Variants in PIK3C2G observed in about 807,000 individuals in gnomAD.
The protein encoded by PIK3C2G is phosphatidylinositol 3-kinase C2 domain-containing subunit gamma.
In PIK3C2G, 168 loss-of-function variants were observed where a neutral mutation model predicts 181.1. The observed-to-expected ratio is 0.93, with a 90% confidence interval of 0.82 to 1.05. The LOEUF (loss-of-function observed/expected upper bound fraction) is 1.05, where lower values mean the gene tolerates loss of function less well. Ranked by LOEUF, PIK3C2G falls within the 50% of genes least tolerant of loss-of-function variation. The pLI is 0.00. For synonymous variants in PIK3C2G, 573 were observed against 592.2 expected, an observed-to-expected ratio of 0.97 and a Z score of 0.47; for missense variants, 1,869 against 1,732.8, an observed-to-expected ratio of 1.08 and a Z score of -1.40.
Position 18,594,686 on chromosome 12 carries a change from T to G in PIK3C2G, c.4087+117T>G, listed in dbSNP as rs1947262535. ...AAAATCTCTTTTTAAGAGTAAGACT[T>G]TAATACTCTTTTCTAACCATTTCCA... On this transcript the variant is annotated intron_variant, in intron 30 of 32. Transcript: ENST00000538779. 5.9e-6 allele frequency: 3 copies of G among 507,084 alleles called. No individual in the cohort carries two copies. The African/African-American group carries it at 6.1e-5, about 10-fold the overall frequency. 31.4% of individuals were successfully genotyped at this position (507,084 alleles called of 1,614,324 possible). A position where few individuals can be genotyped will look rare whatever the true frequency, so the allele number is the denominator to read the frequency against.
chr12:18,648,027 G>T lies in PIK3C2G; in HGVS notation c.4460G>T (p.Ter1487LeuextTer4). The change falls in exon 33 of 33, where the codon TGA becomes TTA. Residue 1487 changes from the stop codon to leucine, a stop_lost. Transcript: ENST00000538779. ...KWYPLGNSII[*>L] ...TATCCATTAGGAAACAGTATAATTTGACCATTGCTATGAACATATGCATTA... is the reference window on the plus strand; with the variant it reads ...TATCCATTAGGAAACAGTATAATTTTACCATTGCTATGAACATATGCATTA... 6.3e-7 allele frequency: 1 copy of T among 1,582,010 alleles called. No individual in the cohort carries two copies. Among genetic ancestry groups the T allele is most frequent in the South Asian group, 1.2e-5 (1 of 85,970 alleles).
At chr12:18,719,445 A>G in the PIK3C2G span, 105 of 1,520,240 alleles carry the variant, frequency 6.9e-5, no homozygotes, top group Non-Finnish European at 8.0e-5. Context: ...CATATCCCCA[A>G]AGGTCACTTG....
intron 12 of PIK3C2G, among the ~76,000 whole-genome samples, chr12:18,367,940 G>A (rs1941757928): frequency 6.6e-6 from 1 of 152,110 alleles, no homozygotes; most frequent in Non-Finnish European, 1.5e-5. Flanking sequence ...TAAAATCATG[G>A]CAGAAGGGAT....
rs200346918 is a variant in PIK3C2G at position 18,647,928 on chromosome 12, T to C, written c.4361T>C (p.Val1454Ala). 302 of 1,597,716 alleles carry C rather than the reference T, an allele frequency of 1.9e-4. No individual in the cohort carries two copies. Among genetic ancestry groups the C allele is most frequent in the Non-Finnish European group, 2.5e-4 (290 of 1,170,080 alleles). The change falls in exon 33 of 33, where the codon GTG becomes GCG. Residue 1454 changes from valine (V) to alanine (A), a missense_variant. Val to Ala is a moderately conservative substitution (Grantham distance 64). Coordinates refer to ENST00000538779, the MANE Select transcript of PIK3C2G (RefSeq NM_001288772.2). ...CAAGGACATGTCTTAATGCTTATTG[T>C]GAAGAGTAAAACTGTATTTGTGGGA... ...ELQGHVLMLIVKSKTVFVGAI... is the reference protein window; with the variant it reads ...ELQGHVLMLIAKSKTVFVGAI...
chr12:18,693,131 C>T, the PIK3C2G span: 8 of 1,515,032 alleles, frequency 5.3e-6, no homozygotes, highest in Non-Finnish European at 7.3e-6. Flanking sequence ...TCATTGATGA[C>T]AATCATGCCA....
chr12:18,372,861 C>T (rs902120401), intron 13 of PIK3C2G: 4 of 152,064 alleles, frequency 2.6e-5, no homozygotes, highest in Admixed American at 1.3e-4. Flanking sequence ...ACGTTACAGG[C>T]GAGTGGTCAC....
chr12:18,266,768 T>C lies in PIK3C2G; in HGVS notation c.-79+5191T>C, dbSNP rs556573907. Among the ~76,000 whole-genome samples, 3 of 152,154 alleles carry C rather than the reference T, an allele frequency of 2.0e-5. 1 individual carries two copies. Among genetic ancestry groups the C allele is most frequent in the African/African-American group, 7.2e-5 (3 of 41,536 alleles). ...TTTACAAGTAAACTGTATGTCCAGATAGATTTTTCTTTCTTCTCCTCCTTT... is the reference window on the plus strand; with the variant it reads ...TTTACAAGTAAACTGTATGTCCAGACAGATTTTTCTTTCTTCTCCTCCTTT... On this transcript the variant is annotated intron_variant, in intron 1 of 32. Coordinates refer to ENST00000538779, the MANE Select transcript of PIK3C2G (RefSeq NM_001288772.2).
chr12:18,381,776 C>A lies in PIK3C2G; in HGVS notation c.1891C>A (p.Leu631Ile), dbSNP rs764629808. 1.2e-6 allele frequency: 2 copies of A among 1,606,740 alleles called. No individual in the cohort carries two copies. ...TGTTGTCTTTTGCAGAAAATCCATT[C>A]TCGGGTCTATGCTGTTCAGCATGAC... ...LPLFPKEKSILGSMLFSMTLQ... is the reference protein window; with the variant it reads ...LPLFPKEKSIIGSMLFSMTLQ... The change falls in exon 14 of 33, where the codon CTC becomes ATC. Residue 631 changes from leucine to isoleucine, a missense_variant. Physicochemically the swap from Leu to Ile is conservative, Grantham distance 5. Transcript: ENST00000538779.
At chr12:18,713,611 A>T in the PIK3C2G span, 9 of 152,506 alleles carry the variant, frequency 5.9e-5, no homozygotes, top group Admixed American at 5.2e-4. Flanking sequence ...ACATAAGGCC[A>T]TCTCTAATTT....
intron 13 of PIK3C2G, among the ~76,000 whole-genome samples, chr12:18,375,495 G>T (rs1942371154): frequency 6.6e-6 from 1 of 152,280 alleles, no homozygotes; most frequent in East Asian, 1.9e-4. Flanking sequence ...ACTTAAAATT[G>T]GAATTTATAC....
chr12:18,512,890 T>A (rs1423783629), intron 24 of PIK3C2G, among the ~76,000 whole-genome samples: 2 of 151,904 alleles, frequency 1.3e-5, no homozygotes, highest in East Asian at 3.9e-4. Context: ...GAGGAAAAGC[T>A]TTCAACTTTT....
the PIK3C2G span, chr12:18,688,262 G>GT: frequency 3.2e-6 from 5 of 1,552,376 alleles, no homozygotes; most frequent in Non-Finnish European, 3.5e-6. Flanking sequence ...AAGATATTAA[G>GT]TTACATCACC....
In PIK3C2G at chr12:18,648,325, A is replaced by G. The variant is rs1015168696; in HGVS notation, c.*297A>G. The G allele has an allele frequency of 1.3e-5, 3 of 232,260 alleles. No homozygotes were observed. Among genetic ancestry groups the G allele is most frequent in the Non-Finnish European group, 2.5e-5 (3 of 117,908 alleles). The allele number at this position is 232,260 out of a possible 1,614,324, so 14.4% of individuals were successfully genotyped here. A position where few individuals can be genotyped will look rare whatever the true frequency, so the allele number is the denominator to read the frequency against. ...TATTTTAAATTAAACATAGGTTTAC[A>G]TTTGTTTTAATTGTGTGCCTACAGT... is the stretch of plus-strand genomic sequence containing the variant. On this transcript the variant is annotated 3_prime_UTR_variant, in exon 33 of 33. Transcript: ENST00000538779.
intron 5 of PIK3C2G, among the ~76,000 whole-genome samples, chr12:18,303,254 T>G (rs938147009): frequency 6.7e-6 from 1 of 149,908 alleles, no homozygotes; most frequent in Non-Finnish European, 1.5e-5. Flanking sequence ...CTTCCTTCCT[T>G]CTTCCTTCCT....
chr12:18,631,968 C>T (rs1027076100), intron 31 of PIK3C2G, among the ~76,000 whole-genome samples: 4 of 151,928 alleles, frequency 2.6e-5, no homozygotes, highest in Non-Finnish European at 5.9e-5. Context: ...TCAGTGTTCC[C>T]CACTGGGGTC....
intron 14 of PIK3C2G, among the ~76,000 whole-genome samples, chr12:18,388,734 C>A (rs147533947): frequency 1.9e-4 from 29 of 152,282 alleles, no homozygotes; most frequent in Non-Finnish European, 3.4e-4. Context: ...GTGAGCAGTG[C>A]CAAGTAATGA....
Position 18,633,214 on chromosome 12 carries a change from T to C in PIK3C2G, c.4183-7215T>C, listed in dbSNP as rs1402323642. On this transcript the variant is annotated intron_variant, in intron 31 of 32. Transcript: ENST00000538779. Reference sequence around the variant, plus strand: ...TGATGTAAAATGAATAATGCTTAAATACTATGATATTAATATAAAGTATGA... The same window carrying C: ...TGATGTAAAATGAATAATGCTTAAACACTATGATATTAATATAAAGTATGA... 2.0e-5 allele frequency among the ~76,000 whole-genome samples: 3 copies of C among 152,204 alleles called. No homozygotes were observed. The East Asian group carries it at 5.8e-4, about 29-fold the overall frequency.
chr12:18,488,422 G>GA, intron 18 of PIK3C2G, 27 bp from the exon 19 acceptor site: 1 of 1,450,726 alleles, frequency 6.9e-7, no homozygotes, highest in South Asian at 1.5e-5. Context: ...TTACATACAA[G>GA]AATTTTTTTC....
At chr12:18,498,198 A>G (rs575606952) in intron 22 of PIK3C2G, among the ~76,000 whole-genome samples, 2 of 152,244 alleles carry the variant, frequency 1.3e-5, no homozygotes, top group East Asian at 3.8e-4. Context: ...ACTTTTGAGT[A>G]GATAAAATAT....
Sources: gnomAD v4.1 joint callset for allele counts (sites outside exome capture counted in the v4.1 genomes callset) on GRCh38, gnomAD v4.1.1 for gene constraint, MANE v1.5 for transcripts, NCBI Gene and HGNC (gene_info 2026-07-23, HGNC 2026-07-21) for gene names.